FAM83B: variants seen among roughly 807,000 people sequenced by gnomAD.
FAM83B encodes scaffolding CK1 anchoring protein B, also known as protein FAM83B.
FAM83B carries 26 observed loss-of-function variants against 38.8 expected under a neutral mutation model. The observed-to-expected ratio is 0.67, with a 90% confidence interval of 0.49 to 0.93. The LOEUF (loss-of-function observed/expected upper bound fraction) is 0.93, where lower values mean the gene tolerates loss of function less well. Among genes scored for constraint, FAM83B ranks in the 40% least tolerant of loss-of-function variants. The pLI is 0.00. For missense variants in FAM83B, 1,237 were observed against 1,197.3 expected, an observed-to-expected ratio of 1.03 and a Z score of -0.49; for synonymous variants, 419 against 423.1, an observed-to-expected ratio of 0.99 and a Z score of 0.12.
chr6:54,942,324 G>T lies in FAM83B; in HGVS notation c.*317G>T, dbSNP rs1338897162. Among the ~76,000 whole-genome samples the T allele has an allele frequency of 6.6e-6, 1 of 152,106 alleles. No individual in the cohort carries two copies. Among genetic ancestry groups the T allele is most frequent in the African/African-American group, 2.4e-5 (1 of 41,428 alleles). On this transcript the variant is annotated 3_prime_UTR_variant, in exon 5 of 5. Coordinates refer to ENST00000306858, the MANE Select transcript of FAM83B (RefSeq NM_001010872.3). ...GACGATGTATGGTGTATGGTGTATG[G>T]TGTATGGATTTTAACCATTTCCTTT...
intron 4 of FAM83B, 113 bp from the exon 5 acceptor site, chr6:54,939,593 G>A (rs1368489039): frequency 1.0e-6 from 1 of 959,826 alleles, no homozygotes; most frequent in Non-Finnish European, 1.5e-6. Flanking sequence ...TCTAAATAAT[G>A]ATAGCCAAAG....
rs1561933657 is a variant in FAM83B, at chr6:54,941,267, A to T, written c.2296A>T (p.Ser766Cys). ...AAAGAAGGAAGTTAAGGGTTCCCCA[A>T]GTTTTTTGAAAAAGGGGTCTCAGAA... Reference protein sequence around the residue: ...ASKKEVKGSPSFLKKGSQKLR... With the variant: ...ASKKEVKGSPCFLKKGSQKLR... The change falls in exon 5 of 5, where the codon AGT (serine) becomes TGT (cysteine). Residue 766 changes from serine to cysteine, a missense_variant. Transcript: ENST00000306858. 3 of 1,611,358 alleles carry T rather than the reference A, an allele frequency of 1.9e-6. No individual in the cohort carries two copies. Among genetic ancestry groups the T allele is most frequent in the Non-Finnish European group, 2.5e-6 (3 of 1,179,350 alleles).
At chr6:54,899,660 C>T (rs772885411) in intron 2 of FAM83B, among the ~76,000 whole-genome samples, 14 of 152,150 alleles carry the variant, frequency 9.2e-5, no homozygotes, top group Admixed American at 3.3e-4. Flanking sequence ...AGAGAAGGGG[C>T]GGGGAGCTCT....
intron 2 of FAM83B, among the ~76,000 whole-genome samples, chr6:54,908,134 A>G (rs1772818918): frequency 1.0e-4 from 2 of 19,082 alleles, no homozygotes; most frequent in Admixed American, 9.1e-4. Flanking sequence ...TTTCATGGAA[A>G]AAAAAAAAAA....
At chr6:54,885,111 A>G (rs1377971463) in intron 2 of FAM83B, among the ~76,000 whole-genome samples, 3 of 151,984 alleles carry the variant, frequency 2.0e-5, no homozygotes, top group African/African-American at 7.2e-5. Flanking sequence ...TGGCTACTCT[A>G]AATCTTTTGC....
At chr6:54,851,669 A>C in intron 1 of FAM83B, among the ~76,000 whole-genome samples, 1 of 103,012 alleles carries the variant, frequency 9.7e-6, no homozygotes, top group African/African-American at 4.1e-5. Flanking sequence ...TTTTTTTGAG[A>C]CGGAGTCTCG....
At chr6:54,849,295 GGC>G (rs1466289610) in intron 1 of FAM83B, among the ~76,000 whole-genome samples, 2 of 152,188 alleles carry the variant, frequency 1.3e-5, no homozygotes, top group African/African-American at 2.4e-5. Context: ...AATGGGCATG[GGC>G]ACTGTCTAGA....
At chr6:54,863,813 A>G (rs962288928) in intron 1 of FAM83B, among the ~76,000 whole-genome samples, 4 of 152,042 alleles carry the variant, frequency 2.6e-5, no homozygotes, top group African/African-American at 9.7e-5. Context: ...GGCATCTAAC[A>G]TGTATGTTTT....
At chr6:54,892,503 A>C (rs1410798196) in intron 2 of FAM83B, among the ~76,000 whole-genome samples, 2 of 151,778 alleles carry the variant, frequency 1.3e-5, no homozygotes, top group African/African-American at 4.8e-5. Flanking sequence ...GCTCCCACTT[A>C]TAAGTGAGAA....
intron 1 of FAM83B, among the ~76,000 whole-genome samples, chr6:54,860,529 C>G (rs1329517458): frequency 2.0e-5 from 3 of 152,134 alleles, no homozygotes; most frequent in African/African-American, 7.2e-5. Flanking sequence ...TTAAGTAACT[C>G]TAAGACTATT....
In FAM83B at chr6:54,870,700, T is replaced by C. The variant is rs1771832921; in HGVS notation, c.444+10T>C. 6.4e-7 allele frequency: 1 copy of C among 1,566,708 alleles called. No homozygotes were observed. Among genetic ancestry groups the C allele is most frequent in the Non-Finnish European group, 8.6e-7 (1 of 1,161,566 alleles). On this transcript the variant is annotated intron_variant, in intron 2 of 4. Coordinates refer to ENST00000306858, the MANE Select transcript of FAM83B (RefSeq NM_001010872.3). ...AAAAGAAGCAAGAAAGGTAATAACA[T>C]TTCTATTTTGAAATGAAAAATTTGA...
At chr6:54,895,610 G>A (rs1374035266) in intron 2 of FAM83B, among the ~76,000 whole-genome samples, 1 of 152,140 alleles carries the variant, frequency 6.6e-6, no homozygotes, top group Non-Finnish European at 1.5e-5. Context: ...AATATGTGAA[G>A]TTGACATTCA....
chr6:54,870,102 G>A, intron 1 of FAM83B, 85 bp from the exon 2 acceptor site: 1 of 627,412 alleles, frequency 1.6e-6, no homozygotes, highest in South Asian at 2.2e-5. Flanking sequence ...ATGTGTAAAT[G>A]AAAAAATAAT....
intron 1 of FAM83B, among the ~76,000 whole-genome samples, chr6:54,859,703 A>G (rs1197250360): frequency 1.3e-5 from 2 of 152,220 alleles, no homozygotes; most frequent in Non-Finnish European, 2.9e-5. Context: ...CTAAGCCCTA[A>G]TTAAGTACAT....
rs1462265350 is a variant in FAM83B at position 54,879,662 on chromosome 6, G to A, written c.444+8972G>A. Reference sequence around the variant, plus strand: ...AGAGTTGTTGAGAGAGGTTGATTACGGCCAAATTGTGAAGGTCCTTTGATC... The same window carrying A: ...AGAGTTGTTGAGAGAGGTTGATTACAGCCAAATTGTGAAGGTCCTTTGATC... On this transcript the variant is annotated intron_variant, in intron 2 of 4. Transcript: ENST00000306858. Among the ~76,000 whole-genome samples, 6 of 152,182 alleles carry A rather than the reference G, an allele frequency of 3.9e-5. No homozygotes were observed. The East Asian group carries it at 7.7e-4, about 20-fold the overall frequency.
intron 2 of FAM83B, among the ~76,000 whole-genome samples, chr6:54,915,599 G>T (rs1304365260): frequency 1.1e-5 from 1 of 92,504 alleles, no homozygotes; most frequent in East Asian, 2.0e-4. Context: ...GAGGTCAGGA[G>T]ATCGAGACCA....
At position 54,898,262 on chromosome 6, in the gene FAM83B, A is replaced by G. The variant is rs572046917; in HGVS notation, c.444+27572A>G. Among the ~76,000 whole-genome samples the G allele has an allele frequency of 1.1e-4, 17 of 152,248 alleles. No homozygotes were observed. In the South Asian group the frequency reaches 3.1e-3, roughly 28 times the overall value. On this transcript the variant is annotated intron_variant, in intron 2 of 4. Coordinates refer to ENST00000306858, the MANE Select transcript of FAM83B (RefSeq NM_001010872.3). ...ATTTTCTGATGCTCTTCTCCGTCCAATATGTCTCTAGCTTAGAAAGAAATT... is the reference window on the plus strand; with the variant it reads ...ATTTTCTGATGCTCTTCTCCGTCCAGTATGTCTCTAGCTTAGAAAGAAATT...
chr6:54,876,411 TC>T (rs1771998977), intron 2 of FAM83B, among the ~76,000 whole-genome samples: 1 of 148,464 alleles, frequency 6.7e-6, no homozygotes. Context: ...GCAACCTCTG[TC>T]CCCCCAGGTT....
At chr6:54,895,393 A>T (rs1464154800) in intron 2 of FAM83B, among the ~76,000 whole-genome samples, 3 of 152,172 alleles carry the variant, frequency 2.0e-5, no homozygotes, top group Non-Finnish European at 4.4e-5. Flanking sequence ...GGACTTGTAC[A>T]TTTATTTTCA....
Sources: gnomAD v4.1 joint callset for allele counts (sites outside exome capture counted in the v4.1 genomes callset) on GRCh38, gnomAD v4.1.1 for gene constraint, MANE v1.5 for transcripts, NCBI Gene and HGNC (gene_info 2026-07-23, HGNC 2026-07-21) for gene names.